The following GAB1 variants were observed in gnomAD, a reference collection of about 807,000 sequenced individuals.
The protein encoded by GAB1 is GRB2-associated-binding protein 1.
Under a neutral mutation model 66.5 loss-of-function variants are expected in GAB1, and 19 were observed. The observed-to-expected ratio is 0.29, with a 90% confidence interval of 0.20 to 0.42. The LOEUF is 0.42. Among genes scored for constraint, GAB1 ranks in the 10% least tolerant of loss-of-function variants. GAB1 has a pLI of 1.00. For synonymous variants in GAB1, 294 were observed against 301.4 expected, an observed-to-expected ratio of 0.98 and a Z score of 0.25; for missense variants, 732 against 858.5, an observed-to-expected ratio of 0.85 and a Z score of 1.84.
At chr4:143,417,038 C>T (rs1160219592) in intron 2 of GAB1, among the ~76,000 whole-genome samples, 1 of 152,060 alleles carries the variant, frequency 6.6e-6, no homozygotes, top group Non-Finnish European at 1.5e-5. Context: ...AGCACAGGTC[C>T]TACAAGGAAC....
chr4:143,400,193 A>G lies in GAB1; in HGVS notation c.73-15284A>G, dbSNP rs561545650. 2.0e-5 allele frequency among the ~76,000 whole-genome samples: 3 copies of G among 152,136 alleles called. No individual in the cohort carries two copies. In the South Asian group the frequency reaches 6.2e-4, roughly 32 times the overall value. ...CCTGATCTCAAATGATCCATCCTTC[A>G]TGGCCTCCCAAAGTGCTGGGACTAC... is the stretch of plus-strand genomic sequence containing the variant. On this transcript the variant is annotated intron_variant, in intron 1 of 9. Coordinates refer to ENST00000262994, the MANE Select transcript of GAB1 (RefSeq NM_002039.4).
intron 1 of GAB1, among the ~76,000 whole-genome samples, chr4:143,351,562 TC>T: frequency 6.6e-6 from 1 of 152,152 alleles, no homozygotes; most frequent in East Asian, 1.9e-4. Context: ...AGGTGACCTT[TC>T]GGCGGCAAGG....
chr4:143,412,534 T>G (rs1238457852), intron 1 of GAB1, among the ~76,000 whole-genome samples: 1 of 152,176 alleles, frequency 6.6e-6, no homozygotes, highest in African/African-American at 2.4e-5. Flanking sequence ...TTCTTGAACT[T>G]TTCAGTCTGT....
chr4:143,448,678 T>C (rs1183879902), intron 6 of GAB1, among the ~76,000 whole-genome samples: 1 of 151,900 alleles, frequency 6.6e-6, no homozygotes, highest in Non-Finnish European at 1.5e-5. Flanking sequence ...GATTCTTCTC[T>C]CTTTTTTTCT....
rs201930966 is a variant in GAB1, at chr4:143,393,232, A to T, written c.73-22245A>T. Among the ~76,000 whole-genome samples, 391 of 142,312 alleles carry T rather than the reference A, an allele frequency of 2.7e-3. 2 individuals are homozygous for T. Among genetic ancestry groups the T allele is most frequent in the African/African-American group, 8.1e-3 (317 of 39,038 alleles). The allele number at this position is 142,312 out of a possible 152,430, so 93.4% of individuals were successfully genotyped here. A position where few individuals can be genotyped will look rare whatever the true frequency, so the allele number is the denominator to read the frequency against. On this transcript the variant is annotated intron_variant, in intron 1 of 9. Transcript: ENST00000262994. ...ACATTTACAAAGGTTTTTTTTTTTA[A>T]AAAAAAAAAAAGAAAAAAAAAGAAT...
intron 4 of GAB1, among the ~76,000 whole-genome samples, chr4:143,438,947 C>G (rs1734085193): frequency 6.6e-6 from 1 of 152,146 alleles, no homozygotes; most frequent in East Asian, 1.9e-4. Flanking sequence ...GAGTCATACC[C>G]TTTCCTGTAT....
At chr4:143,444,337 C>G (rs1280008009) in intron 6 of GAB1, among the ~76,000 whole-genome samples, 1 of 152,162 alleles carries the variant, frequency 6.6e-6, no homozygotes, top group Admixed American at 6.5e-5. Context: ...CTTTCTGCAA[C>G]AGTCTGAACA....
intron 1 of GAB1, among the ~76,000 whole-genome samples, chr4:143,383,352 C>G (rs543647143): frequency 6.6e-6 from 1 of 152,292 alleles, no homozygotes; most frequent in South Asian, 2.1e-4. Context: ...TGTGCTGTTT[C>G]CAAAACCACA....
chr4:143,353,144 G>A (rs1021756653), intron 1 of GAB1, among the ~76,000 whole-genome samples: 2 of 152,220 alleles, frequency 1.3e-5, no homozygotes, highest in African/African-American at 4.8e-5. Flanking sequence ...CTGTTCACCA[G>A]AAGTTCTGGT....
intron 1 of GAB1, among the ~76,000 whole-genome samples, chr4:143,354,506 TTAAAG>T (rs549702863): frequency 7.8e-4 from 118 of 152,252 alleles, no homozygotes; most frequent in Non-Finnish European, 2.6e-4. Flanking sequence ...CATTTTGAGT[TTAAAG>T]TATAGAGAAA....
intron 1 of GAB1, among the ~76,000 whole-genome samples, chr4:143,365,362 T>C (rs947688620): frequency 6.6e-6 from 1 of 152,198 alleles, no homozygotes; most frequent in Non-Finnish European, 1.5e-5. Context: ...GTATCTTTCT[T>C]CCCTATTAGA....
At chr4:143,405,865 C>T (rs960514692) in intron 1 of GAB1, among the ~76,000 whole-genome samples, 11 of 152,236 alleles carry the variant, frequency 7.2e-5, no homozygotes, top group African/African-American at 2.6e-4. Flanking sequence ...TATTCCTTCA[C>T]ACCAAATTCC....
chr4:143,398,496 A>G (rs1404357542), intron 1 of GAB1, among the ~76,000 whole-genome samples: 1 of 152,220 alleles, frequency 6.6e-6, no homozygotes, highest in East Asian at 1.9e-4. Context: ...TGTTTGCTCT[A>G]GAAATCAAGA....
At chr4:143,396,503 G>A (rs1041133080) in intron 1 of GAB1, among the ~76,000 whole-genome samples, 17 of 152,144 alleles carry the variant, frequency 1.1e-4, no homozygotes, top group African/African-American at 3.6e-4. Context: ...CAGCTCGATC[G>A]GGTGGCTTAA....
intron 1 of GAB1, among the ~76,000 whole-genome samples, chr4:143,371,295 G>A (rs1198963233): frequency 6.6e-6 from 1 of 152,072 alleles, no homozygotes; most frequent in African/African-American, 2.4e-5. Flanking sequence ...TTCTCTGATG[G>A]CCAGTGATGA....
chr4:143,473,240 A>G lies in GAB1; in HGVS notation c.*4051A>G, dbSNP rs2149807346. 1 of 152,354 alleles carries G rather than the reference A, an allele frequency of 6.6e-6. No individual in the cohort carries two copies. Among genetic ancestry groups the G allele is most frequent in the Middle Eastern group, 3.4e-3 (1 of 294 alleles). 9.4% of individuals were successfully genotyped at this position (152,354 alleles called of 1,614,324 possible). On this transcript the variant is annotated 3_prime_UTR_variant, in exon 10 of 10. Coordinates refer to ENST00000262994, the MANE Select transcript of GAB1 (RefSeq NM_002039.4). ...ATTTATTTCTCCCCTCTTGTTCATC[A>G]TCTTTTGTAAAGGTCCCATTGTAGA...
intron 1 of GAB1, among the ~76,000 whole-genome samples, chr4:143,348,683 G>A (rs781767143): frequency 6.6e-5 from 10 of 152,200 alleles, no homozygotes; most frequent in Non-Finnish European, 1.3e-4. Flanking sequence ...TCCATAGCTC[G>A]AAGCTGTTCT....
At chr4:143,359,460 A>G (rs1416153627) in intron 1 of GAB1, among the ~76,000 whole-genome samples, 1 of 152,178 alleles carries the variant, frequency 6.6e-6, no homozygotes, top group African/African-American at 2.4e-5. Flanking sequence ...CTCGGTGTAT[A>G]ATGAGAGAAC....
intron 6 of GAB1, among the ~76,000 whole-genome samples, chr4:143,444,960 T>C (rs1734431992): frequency 6.6e-6 from 1 of 152,234 alleles, no homozygotes; most frequent in Non-Finnish European, 1.5e-5. Flanking sequence ...CTGTGTAGTA[T>C]ATGTACCACA....
Sources: allele counts gnomAD v4.1 joint callset (sites outside exome capture counted in the v4.1 genomes callset), GRCh38; gene constraint gnomAD v4.1.1; transcripts MANE v1.5; gene names NCBI Gene and HGNC (gene_info 2026-07-23, HGNC 2026-07-21).